PPM1K: variants seen among roughly 807,000 people sequenced by gnomAD.
PPM1K encodes protein phosphatase, Mg2+/Mn2+ dependent 1K, also known as protein phosphatase Mn(2+)-dependent 1K.
PPM1K carries 19 observed loss-of-function variants against 32.6 expected under a neutral mutation model. The ratio of observed to expected loss-of-function variants is 0.58; its 90% CI spans 0.41 to 0.86. The LOEUF is 0.86. Ranked by LOEUF, PPM1K falls within the 40% of genes least tolerant of loss-of-function variation. PPM1K has a pLI of 0.00. For synonymous variants in PPM1K, 159 were observed against 165.3 expected (o/e 0.96, Z 0.29); for missense variants, 362 against 461.2 (o/e 0.78, Z 1.97).
chr4:88,275,422 T>C, intron 3 of PPM1K: 3 of 984,498 alleles, frequency 3.0e-6, no homozygotes, highest in Non-Finnish European at 3.6e-6. Flanking sequence ...TTCTTTAAGT[T>C]CAAAATTCTG....
intron 6 of PPM1K, among the ~76,000 whole-genome samples, chr4:88,264,669 T>G (rs1731239298): frequency 6.6e-6 from 1 of 152,232 alleles, no homozygotes; most frequent in African/African-American, 2.4e-5. Context: ...ATGATTACAA[T>G]ATATGTAACT....
intron 3 of PPM1K, chr4:88,275,103 G>T (rs1731712574): frequency 4.5e-6 from 3 of 664,126 alleles, no homozygotes; most frequent in Non-Finnish European, 3.7e-6. Flanking sequence ...AATATCTTAA[G>T]AATGTTCTGG....
intron 2 of PPM1K, chr4:88,277,941 G>C (rs1731847853): frequency 3.4e-6 from 2 of 596,078 alleles, no homozygotes; most frequent in African/African-American, 1.9e-5. Context: ...GCTTTCCCCA[G>C]GGGAGTTGTT....
Position 88,265,109 on chromosome 4 carries a change from C to A in PPM1K, c.879G>T (p.Leu293=), listed in dbSNP as rs553487139. Residue 293 remains leucine, a synonymous_variant, in exon 6 of 7, where the codon CTG becomes CTT. Coordinates refer to ENST00000608933, the MANE Select transcript of PPM1K (RefSeq NM_152542.5). ...IKLHHADDSF[L]VLTTDGINFM... ...AGTTAATTCCATCTGTGGTGAGGAC[C>A]AGGAAGCTGTCATCAGCATGATGTA... 1 of 1,613,994 alleles carries A rather than the reference C, an allele frequency of 6.2e-7. No homozygotes were observed. Among genetic ancestry groups the A allele is most frequent in the Non-Finnish European group, 8.5e-7 (1 of 1,180,008 alleles).
intron 5 of PPM1K, among the ~76,000 whole-genome samples, chr4:88,267,457 C>G (rs1731382368): frequency 6.6e-6 from 1 of 152,178 alleles, no homozygotes; most frequent in African/African-American, 2.4e-5. Context: ...TGAGGAAGAA[C>G]AGCAGGACCA....
At position 88,264,987 on chromosome 4, in the gene PPM1K, A is replaced by T; in HGVS notation, c.987+14T>A. On this transcript the variant is annotated intron_variant, in intron 6 of 6. Transcript: ENST00000608933. Reference sequence around the variant, plus strand: ...CTTCTCCTTGGGACTTTTCAGGCAGAAGCTCTGGGTCACCTGTTCAGTCAC... The same window carrying T: ...CTTCTCCTTGGGACTTTTCAGGCAGTAGCTCTGGGTCACCTGTTCAGTCAC... 6.2e-7 allele frequency: 1 copy of T among 1,613,522 alleles called. No individual in the cohort carries two copies. Among genetic ancestry groups the T allele is most frequent in the Non-Finnish European group, 8.5e-7 (1 of 1,179,666 alleles).
At chr4:88,277,120 A>C (rs369655530) in intron 3 of PPM1K, 23 bp downstream of exon 3, 1 of 1,566,786 alleles carries the variant, frequency 6.4e-7, no homozygotes, top group East Asian at 2.2e-5. Context: ...CTAGGATCCA[A>C]GGAATGTGAT....
At chr4:88,279,741 C>A (rs1731935163) in intron 1 of PPM1K, 1 of 152,134 alleles carries the variant, frequency 6.6e-6, no homozygotes, top group Non-Finnish European at 1.5e-5. Context: ...AATTTGTCTC[C>A]ATAGGATTTT....
In PPM1K at chr4:88,262,172, T is replaced by G. The variant is rs1400438910; in HGVS notation, c.*423A>C. The G allele has an allele frequency of 6.5e-6, 1 of 152,956 alleles. No individual in the cohort carries two copies. Among genetic ancestry groups the G allele is most frequent in the Non-Finnish European group, 1.5e-5 (1 of 68,682 alleles). 9.5% of individuals were successfully genotyped at this position (152,956 alleles called of 1,614,324 possible). On this transcript the variant is annotated 3_prime_UTR_variant, in exon 7 of 7. Coordinates refer to ENST00000608933, the MANE Select transcript of PPM1K (RefSeq NM_152542.5). ...GATTAGGGAAGTCTGGAAAAAAATT[T>G]TTTTAAACTTGGAGATCACATATTG... is the stretch of plus-strand genomic sequence containing the variant.
In PPM1K at chr4:88,278,772, A is replaced by G; in HGVS notation, c.-59-130T>C. 1.8e-6 allele frequency: 1 copy of G among 562,726 alleles called. No individual in the cohort carries two copies. Among genetic ancestry groups the G allele is most frequent in the Admixed American group, 3.5e-5 (1 of 28,970 alleles). 34.9% of individuals were successfully genotyped at this position (562,726 alleles called of 1,614,324 possible). A position where few individuals can be genotyped will look rare whatever the true frequency, so the allele number is the denominator to read the frequency against. On this transcript the variant is annotated intron_variant, in intron 1 of 6. Transcript: ENST00000608933. The surrounding 1 kb of genome is among the most constrained non-coding windows in gnomAD (Gnocchi z 4.2). ...ACTGATATGTCATCAAATATTACCA[A>G]AAATGAAGCTCATAAAGGATTTGAC...
chr4:88,262,639 A>T lies in PPM1K; in HGVS notation c.1075T>A (p.Phe359Ile), dbSNP rs149239581. Reference protein sequence around the residue: ...WGKYKNSEINFSFSRSFASSG... With the variant: ...WGKYKNSEINISFSRSFASSG... ...GAGGCAAAGCTTCTGCTGAATGAGA[A>T]GTTGATTTCAGAGTTCTTATATTTT... The change falls in exon 7 of 7, where the codon TTC becomes ATC. Residue 359 changes from phenylalanine (F) to isoleucine (I), a missense_variant. Phe to Ile is a conservative substitution (Grantham distance 21). Coordinates refer to ENST00000608933, the MANE Select transcript of PPM1K (RefSeq NM_152542.5). The T allele has an allele frequency of 5.0e-5, 80 of 1,614,162 alleles. No homozygotes were observed. Among genetic ancestry groups the T allele is most frequent in the South Asian group, 3.4e-4 (31 of 91,078 alleles).
At chr4:88,275,396 A>C (rs577177325) in intron 3 of PPM1K, 1 of 981,026 alleles carries the variant, frequency 1.0e-6, no homozygotes, top group Admixed American at 6.1e-5. Context: ...CTTTTAAGAT[A>C]GGCAAGTTAA....
At chr4:88,280,861 G>A (rs1731978628) in intron 1 of PPM1K, among the ~76,000 whole-genome samples, 1 of 152,178 alleles carries the variant, frequency 6.6e-6, no homozygotes, top group African/African-American at 2.4e-5. Flanking sequence ...TAAAAAAAGA[G>A]AGAGAGAGCG....
At chr4:88,268,119 A>G (rs1181247391) in intron 5 of PPM1K, 71 bp downstream of exon 5, 8 of 1,504,570 alleles carry the variant, frequency 5.3e-6, no homozygotes, top group Non-Finnish European at 7.3e-6. Flanking sequence ...GGCTTCCAAG[A>G]AAGGTGCAGC....
At position 88,278,069 on chromosome 4, in the gene PPM1K, C is replaced by A; in HGVS notation, c.440+75G>T. On this transcript the variant is annotated intron_variant, in intron 2 of 6. Transcript: ENST00000608933. The surrounding 1 kb of genome is among the most constrained non-coding windows in gnomAD (Gnocchi z 4.2). ...CAAGTAACTATGTTTACGCTGGAAG[C>A]CTCAGCCAAAGGGTGAAAGTTTAAG... 1 of 1,260,156 alleles carries A rather than the reference C, an allele frequency of 7.9e-7. No homozygotes were observed. The highest frequency in any genetic ancestry group is 1.1e-6 in the Non-Finnish European group (1 of 896,528). 78.1% of individuals were successfully genotyped at this position (1,260,156 alleles called of 1,614,324 possible).
Position 88,280,049 on chromosome 4 carries a change from GTGGGT to G in PPM1K, c.-59-1412_-59-1408del, listed in dbSNP as rs1294946824. Among the ~76,000 whole-genome samples the G allele has an allele frequency of 3.9e-5, 6 of 152,108 alleles. No homozygotes were observed. In the East Asian group the frequency reaches 1.2e-3, roughly 29 times the overall value. ...ATAGGGAAGGCCATTACTTCTTTCG[GTGGGT>G]AAAACAGTCAAAAGAAAGAATGAGG... is the stretch of plus-strand genomic sequence containing the variant. On this transcript the variant is annotated intron_variant, in intron 1 of 6. Transcript: ENST00000608933.
chr4:88,275,801 C>T lies in PPM1K; in HGVS notation c.541+1342G>A, dbSNP rs1386950625. The T allele has an allele frequency of 3.4e-4, 338 of 985,246 alleles. 1 individual carries two copies. Among genetic ancestry groups the T allele is most frequent in the Non-Finnish European group, 3.9e-4 (325 of 829,876 alleles). The allele number at this position is 985,246 out of a possible 1,614,324, so 61.0% of individuals were successfully genotyped here. On this transcript the variant is annotated intron_variant, in intron 3 of 6. Transcript: ENST00000608933. ...ACCATAAGAAAATATTTCATTTCCT[C>T]TTTTCCTTCATGTGTTTTAACTATT...
rs1731150286 is a variant in PPM1K, at chr4:88,262,360, C to T, written c.*235G>A. The T allele has an allele frequency of 2.7e-6, 1 of 364,238 alleles. No homozygotes were observed. The highest frequency in any genetic ancestry group is 2.1e-5 in the African/African-American group (1 of 47,638). 22.6% of individuals were successfully genotyped at this position (364,238 alleles called of 1,614,324 possible). On this transcript the variant is annotated 3_prime_UTR_variant, in exon 7 of 7. Transcript: ENST00000608933. ...CTCATCAAGTGTATCCAAACCACTT[C>T]TCATTTGCTCTTTCCATTTAAAGAC...
chr4:88,268,350 T>C lies in PPM1K; in HGVS notation c.708-16A>G. 2.5e-6 allele frequency: 4 copies of C among 1,614,108 alleles called. No individual in the cohort carries two copies. The highest frequency in any genetic ancestry group is 3.4e-6 in the Non-Finnish European group (4 of 1,180,004). On this transcript the variant is annotated splice_polypyrimidine_tract_variant and intron_variant, in intron 4 of 6. Transcript: ENST00000608933. ...TTTCTTGATCCTGTTAAAAGTTAAA[T>C]GACAATGGTGTGATATGTAGAAAAC...
Sources: allele counts gnomAD v4.1 joint callset (sites outside exome capture counted in the v4.1 genomes callset), GRCh38; gene constraint gnomAD v4.1.1; non-coding constraint Gnocchi (gnomAD v3.1); transcripts MANE v1.5; gene names NCBI Gene and HGNC (gene_info 2026-07-23, HGNC 2026-07-21).